ASPH: variants seen among roughly 807,000 people sequenced by gnomAD.
The protein encoded by ASPH is aspartyl/asparaginyl beta-hydroxylase.
A neutral mutation model predicts 118.4 loss-of-function variants in ASPH; 100 were observed. The ratio of observed to expected loss-of-function variants is 0.84; its 90% CI spans 0.72 to 1.00. The LOEUF (loss-of-function observed/expected upper bound fraction) is 1.00. ASPH is among the 50% of genes least tolerant of loss of function. The pLI is 0.00. For synonymous variants in ASPH, 315 were observed against 325.6 expected, an observed-to-expected ratio of 0.97 and a Z score of 0.35; for missense variants, 920 against 919.5, an observed-to-expected ratio of 1.00 and a Z score of -0.01.
At chr8:61,704,725 T>C (rs897323593) in intron 1 of ASPH, among the ~76,000 whole-genome samples, 2 of 152,132 alleles carry the variant, frequency 1.3e-5, no homozygotes, top group African/African-American at 2.4e-5. Context: ...GAAAAAGTGC[T>C]TGACATCATT....
At chr8:61,698,654 G>A (rs554071006) in intron 1 of ASPH, among the ~76,000 whole-genome samples, 10 of 152,140 alleles carry the variant, frequency 6.6e-5, no homozygotes, top group Non-Finnish European at 8.8e-5. Flanking sequence ...ATCTTCTAAC[G>A]ATGCCTTTGT....
At chr8:61,534,055 C>T (rs1229845451) in intron 21 of ASPH, among the ~76,000 whole-genome samples, 2 of 152,186 alleles carry the variant, frequency 1.3e-5, no homozygotes, top group Non-Finnish European at 2.9e-5. Flanking sequence ...TCAAGTAATT[C>T]TCCTGCCTCA....
intron 14 of ASPH, among the ~76,000 whole-genome samples, chr8:61,593,376 T>C (rs1841724459): frequency 6.6e-6 from 1 of 152,268 alleles, no homozygotes; most frequent in Non-Finnish European, 1.5e-5. Context: ...TGGCACACTC[T>C]TTCTTGCCTC....
At chr8:61,643,199 T>C (rs924755618) in intron 9 of ASPH, among the ~76,000 whole-genome samples, 187 bp downstream of exon 9, 1 of 152,190 alleles carries the variant, frequency 6.6e-6, no homozygotes, top group Admixed American at 6.5e-5. Context: ...GGTTAGTTGA[T>C]GAGGTGAAAT....
chr8:61,697,063 G>A (rs1834066044), intron 1 of ASPH, among the ~76,000 whole-genome samples: 1 of 152,084 alleles, frequency 6.6e-6, no homozygotes, highest in Non-Finnish European at 1.5e-5. Flanking sequence ...AAAGAATCCA[G>A]CATTTAAAAT....
At chr8:61,647,700 A>G (rs1469832612) in intron 5 of ASPH, among the ~76,000 whole-genome samples, 2 of 152,010 alleles carry the variant, frequency 1.3e-5, no homozygotes, top group African/African-American at 4.8e-5. Context: ...ATTAAATTAA[A>G]TTAAAAATAA....
rs141234781 is a variant in ASPH, at chr8:61,591,601, A to G, written c.977-7572T>C. ...AATTTTAGAATAACAAAAACTTCCCAAAGCAGCTTGCTATTATGTTCTGAG... is the reference window on the plus strand; with the variant it reads ...AATTTTAGAATAACAAAAACTTCCCGAAGCAGCTTGCTATTATGTTCTGAG... On this transcript the variant is annotated intron_variant, in intron 14 of 24. Coordinates refer to ENST00000379454, the MANE Select transcript of ASPH (RefSeq NM_004318.4). Among the ~76,000 whole-genome samples the G allele has an allele frequency of 9.2e-5, 14 of 152,334 alleles. No individual in the cohort carries two copies. The East Asian group carries it at 2.7e-3, about 29-fold the overall frequency.
At chr8:61,513,351 C>T (rs998737333) in intron 24 of ASPH, among the ~76,000 whole-genome samples, 1 of 152,210 alleles carries the variant, frequency 6.6e-6, no homozygotes, top group African/African-American at 2.4e-5. Context: ...GCTCTTTTCA[C>T]TGGAAGCATT....
intron 14 of ASPH, among the ~76,000 whole-genome samples, chr8:61,615,458 C>A (rs1029103236): frequency 3.9e-5 from 6 of 152,140 alleles, no homozygotes; most frequent in Admixed American, 3.3e-4. Context: ...CCACTCTCTC[C>A]CCTATACACA....
At chr8:61,628,046 T>C (rs535473194) in intron 13 of ASPH, among the ~76,000 whole-genome samples, 3 of 152,120 alleles carry the variant, frequency 2.0e-5, no homozygotes, top group Admixed American at 6.5e-5. Flanking sequence ...CTACGGTAGC[T>C]GCTTCTTACT....
intron 21 of ASPH, among the ~76,000 whole-genome samples, chr8:61,539,847 T>C (rs1357727018): frequency 6.6e-6 from 1 of 152,110 alleles, no homozygotes; most frequent in Admixed American, 6.5e-5. Flanking sequence ...TTTCTATGAA[T>C]GTGTGTTTAC....
At chr8:61,534,245 C>A (rs1818653713) in intron 21 of ASPH, among the ~76,000 whole-genome samples, 1 of 152,182 alleles carries the variant, frequency 6.6e-6, no homozygotes, top group African/African-American at 2.4e-5. Context: ...CCATGCCCAG[C>A]CCACTCATAT....
At chr8:61,578,935 T>C (rs540281141) in intron 15 of ASPH, 2 of 1,611,606 alleles carry the variant, frequency 1.2e-6, no homozygotes, top group East Asian at 2.2e-5. Context: ...CAGTCCCAGA[T>C]CTCGGACACA....
At chr8:61,576,297 G>C (rs1184862929) in intron 16 of ASPH, among the ~76,000 whole-genome samples, 1 of 152,214 alleles carries the variant, frequency 6.6e-6, no homozygotes, top group East Asian at 1.9e-4. Flanking sequence ...GATAAGAAAG[G>C]AGACGGTGGG....
At chr8:61,691,744 T>C (rs984130362) in intron 1 of ASPH, among the ~76,000 whole-genome samples, 1 of 152,214 alleles carries the variant, frequency 6.6e-6, no homozygotes, top group Non-Finnish European at 1.5e-5. Flanking sequence ...TGAATTTCCT[T>C]GCTTATAAAA....
At chr8:61,538,653 T>C (rs191087334) in intron 21 of ASPH, among the ~76,000 whole-genome samples, 234 of 152,322 alleles carry the variant, frequency 1.5e-3, no homozygotes, top group African/African-American at 5.5e-3. Flanking sequence ...TCTTAATTAA[T>C]AAAAGCCACA....
rs1827761631 is a variant in ASPH at position 61,680,971 on chromosome 8, A to C, written c.319T>G (p.Leu107Val). ...DFDVDDAKVLLGLKERSTSEP... is the reference protein window; with the variant it reads ...DFDVDDAKVLVGLKERSTSEP... ...AAAACATAAAATGTGTACTTGCCTA[A>C]TAAAACTTTGGCATCATCCACATCA... Residue 107 changes from leucine to valine, a missense_variant, in exon 3 of 25, where the codon TTA becomes GTA. Physicochemically the swap from Leu to Val is conservative, Grantham distance 32. Coordinates refer to ENST00000379454, the MANE Select transcript of ASPH (RefSeq NM_004318.4). 1.2e-6 allele frequency: 2 copies of C among 1,601,188 alleles called. No individual in the cohort carries two copies. Among genetic ancestry groups the C allele is most frequent in the Non-Finnish European group, 1.7e-6 (2 of 1,173,624 alleles).
chr8:61,579,100 G>A, intron 15 of ASPH: 1 of 1,610,866 alleles, frequency 6.2e-7, no homozygotes, highest in South Asian at 1.1e-5. Flanking sequence ...AGTCTGGCTG[G>A]GAAGCACGGG....
In ASPH at chr8:61,576,915, T is replaced by C; in HGVS notation, c.1063-57A>G. The C allele has an allele frequency of 2.9e-6, 4 of 1,386,252 alleles. 1 individual carries two copies. The highest frequency in any genetic ancestry group is 2.6e-5 in the South Asian group (2 of 75,986). 85.9% of individuals were successfully genotyped at this position (1,386,252 alleles called of 1,614,324 possible). On this transcript the variant is annotated intron_variant, in intron 15 of 24. Coordinates refer to ENST00000379454, the MANE Select transcript of ASPH (RefSeq NM_004318.4). ...TAAATTAAAATGAATAATCAATCAA[T>C]ATTGTTATTTAATATTCAGCAAGTG...
Sources: allele counts gnomAD v4.1 joint callset (sites outside exome capture counted in the v4.1 genomes callset), GRCh38; gene constraint gnomAD v4.1.1; transcripts MANE v1.5; gene names NCBI Gene and HGNC (gene_info 2026-07-23, HGNC 2026-07-21).